The following SLIT3 variants were observed in gnomAD, a reference collection of about 807,000 sequenced individuals.
The protein encoded by SLIT3 is slit guidance ligand 3, also known as slit homolog 3 protein.
In SLIT3, 68 loss-of-function variants were observed where a neutral mutation model predicts 184.0. That is an observed-to-expected ratio of 0.37 (90% CI 0.30 to 0.45). SLIT3 has a LOEUF of 0.45. Among genes scored for constraint, SLIT3 ranks in the 20% least tolerant of loss-of-function variants. The probability of loss-of-function intolerance (pLI) is 1.00; values close to 1 mark genes in which losing one functional copy is unlikely to be tolerated. For missense variants in SLIT3, 1,707 were observed against 2,026.0 expected (o/e 0.84, Z 3.02); for synonymous variants, 831 against 828.6 (o/e 1.00, Z -0.05).
chr5:168,889,109 GCTTA>G (rs1234604163), intron 4 of SLIT3, among the ~76,000 whole-genome samples: 1 of 152,122 alleles, frequency 6.6e-6, no homozygotes, highest in East Asian at 1.9e-4. Context: ...ACACTGTTTT[GCTTA>G]CTTTATTTTA....
intron 4 of SLIT3, among the ~76,000 whole-genome samples, chr5:169,035,703 A>C (rs1472423848): frequency 6.6e-6 from 1 of 152,094 alleles, no homozygotes; most frequent in African/African-American, 2.4e-5. Context: ...CAAGACTACA[A>C]AGTGAGTACC....
At chr5:168,720,301 T>G (rs1056884515) in intron 23 of SLIT3, 5 of 152,246 alleles carry the variant, frequency 3.3e-5, no homozygotes, top group Non-Finnish European at 4.4e-5. Flanking sequence ...GCAGTAGTAG[T>G]GCCAGACTGG....
chr5:168,789,539 C>A (rs1456911967), intron 11 of SLIT3, 21 bp downstream of exon 11: 2 of 1,605,286 alleles, frequency 1.2e-6, no homozygotes, highest in South Asian at 2.2e-5. Flanking sequence ...CACCTCAGGC[C>A]CCAACTCGGG....
At chr5:169,170,854 T>C (rs1453759313) in intron 4 of SLIT3, among the ~76,000 whole-genome samples, 1 of 152,202 alleles carries the variant, frequency 6.6e-6, no homozygotes, top group Non-Finnish European at 1.5e-5. Context: ...GGGTGGTTTT[T>C]CCAAATCCTT....
chr5:169,052,247 TC>T (rs1757844229), intron 4 of SLIT3, among the ~76,000 whole-genome samples: 1 of 152,206 alleles, frequency 6.6e-6, no homozygotes, highest in Non-Finnish European at 1.5e-5. Flanking sequence ...TTTTTTTCTT[TC>T]TTTTCCTGAG....
rs560308287 is a variant in SLIT3, at chr5:169,232,476, C to T, written c.341+12229G>A. Among the ~76,000 whole-genome samples, 216 of 152,344 alleles carry T rather than the reference C, an allele frequency of 1.4e-3. No homozygotes were observed. In the Middle Eastern group the frequency reaches 0.017, roughly 12 times the overall value. ...CTGACCTCAGGTGATCCACTCACCT[C>T]AGCCTCCCTAAGTGCTGAGATTACA... On this transcript the variant is annotated intron_variant, in intron 3 of 35. Coordinates refer to ENST00000519560, the MANE Select transcript of SLIT3 (RefSeq NM_003062.4).
At position 168,892,092 on chromosome 5, in the gene SLIT3, A is replaced by C. The variant is rs138940257; in HGVS notation, c.414-8756T>G. ...ATTCTAGAATGGCGCTGTCCCACGG[A>C]AATATATCACAAGCCAAGAATGCAA... On this transcript the variant is annotated intron_variant, in intron 4 of 35. Transcript: ENST00000519560. 4.2e-3 allele frequency among the ~76,000 whole-genome samples: 647 copies of C among 152,316 alleles called. 25 individuals carry two copies. In the East Asian group the frequency reaches 0.094, roughly 22 times the overall value.
intron 4 of SLIT3, among the ~76,000 whole-genome samples, chr5:169,117,049 C>T (rs985756138): frequency 2.0e-5 from 3 of 152,146 alleles, no homozygotes; most frequent in African/African-American, 7.2e-5. Context: ...GGGTTGGCTC[C>T]ACCAGGGACA....
intron 3 of SLIT3, among the ~76,000 whole-genome samples, chr5:169,195,768 C>T (rs893425727): frequency 1.3e-5 from 2 of 152,092 alleles, no homozygotes; most frequent in African/African-American, 4.8e-5. Context: ...TCAAGTGATC[C>T]GCCCACCTCA....
At chr5:168,823,402 T>C in intron 6 of SLIT3, 71 bp from the exon 7 acceptor site, 1 of 1,093,380 alleles carries the variant, frequency 9.1e-7, no homozygotes, top group Non-Finnish European at 1.4e-6. Context: ...TTGTAGTAGG[T>C]CGGGGGAGGG....
chr5:169,105,278 T>A (rs937409579), intron 4 of SLIT3, among the ~76,000 whole-genome samples: 17 of 152,192 alleles, frequency 1.1e-4, no homozygotes, highest in Non-Finnish European at 2.1e-4. Context: ...AAACCGCACA[T>A]AAATTTAACC....
chr5:168,801,064 G>A lies in SLIT3; in HGVS notation c.935+5382C>T, dbSNP rs566170544. Among the ~76,000 whole-genome samples, 26 of 152,314 alleles carry A rather than the reference G, an allele frequency of 1.7e-4. No individual in the cohort carries two copies. The South Asian group carries it at 5.4e-3, about 32-fold the overall frequency. ...GAGGCATGAAGATGTTAAGGAATGT[G>A]CTTAAAGTAAGAGGCAGAACAAGGA... On this transcript the variant is annotated intron_variant, in intron 9 of 35. Coordinates refer to ENST00000519560, the MANE Select transcript of SLIT3 (RefSeq NM_003062.4).
chr5:169,237,650 T>C (rs1354831768), intron 3 of SLIT3, among the ~76,000 whole-genome samples: 8 of 152,162 alleles, frequency 5.3e-5, no homozygotes, highest in Non-Finnish European at 1.0e-4. Flanking sequence ...ATCACCCTAA[T>C]GAAAGAAGCT....
At chr5:169,181,498 T>G (rs1763154732) in intron 4 of SLIT3, among the ~76,000 whole-genome samples, 1 of 152,080 alleles carries the variant, frequency 6.6e-6, no homozygotes, top group Admixed American at 6.5e-5. Flanking sequence ...TCCCAACACT[T>G]TGGGAGGCTG....
At chr5:168,895,788 T>G (rs907412062) in intron 4 of SLIT3, among the ~76,000 whole-genome samples, 1 of 152,212 alleles carries the variant, frequency 6.6e-6, no homozygotes, top group South Asian at 2.1e-4. Flanking sequence ...TGCTTATTTA[T>G]GTAAAAATGG....
intron 14 of SLIT3, among the ~76,000 whole-genome samples, chr5:168,767,927 G>C (rs1755398905): frequency 6.6e-6 from 1 of 152,164 alleles, no homozygotes; most frequent in Non-Finnish European, 1.5e-5. Flanking sequence ...ATTTGGGGGA[G>C]GGTGACTCCA....
At chr5:168,756,554 A>G (rs192995815) in intron 16 of SLIT3, among the ~76,000 whole-genome samples, 3 of 152,214 alleles carry the variant, frequency 2.0e-5, no homozygotes, top group Non-Finnish European at 4.4e-5. Flanking sequence ...GACAGTCAGC[A>G]GACTCGCAGA....
chr5:169,276,864 CT>C (rs1766824248), intron 1 of SLIT3, among the ~76,000 whole-genome samples: 1 of 152,214 alleles, frequency 6.6e-6, no homozygotes, highest in African/African-American at 2.4e-5. Context: ...ATAAAGCAGG[CT>C]TTTTGTTTCT....
intron 4 of SLIT3, among the ~76,000 whole-genome samples, chr5:169,123,560 T>C (rs297808): frequency 0.34 from 51,472 of 152,034 alleles, 8,831 homozygotes; most frequent in East Asian, 0.45. Flanking sequence ...AAAAATAAAG[T>C]TGAACGAGGC....
Sources: gnomAD v4.1 joint callset for allele counts (sites outside exome capture counted in the v4.1 genomes callset) on GRCh38, gnomAD v4.1.1 for gene constraint, MANE v1.5 for transcripts, NCBI Gene and HGNC (gene_info 2026-07-23, HGNC 2026-07-21) for gene names.